The following SYN3 variants were observed in gnomAD, a reference collection of about 807,000 sequenced individuals.
The protein encoded by SYN3 is synapsin III, also known as synapsin-3.
A neutral mutation model predicts 65.8 loss-of-function variants in SYN3; 35 were observed. That is an observed-to-expected ratio of 0.53 (90% CI 0.41 to 0.70). SYN3 has a LOEUF of 0.70. SYN3 is among the 30% of genes least tolerant of loss of function. The pLI is 0.00. For missense variants in SYN3, 680 were observed against 749.0 expected (o/e 0.91, Z 1.08); for synonymous variants, 270 against 292.9 (o/e 0.92, Z 0.80).
intron 6 of SYN3, among the ~76,000 whole-genome samples, chr22:32,792,081 T>C (rs2046335230): frequency 6.6e-6 from 1 of 152,218 alleles, no homozygotes; most frequent in Non-Finnish European, 1.5e-5. Context: ...GAATTTACTA[T>C]GTGCCAGGCA....
At chr22:32,872,760 G>A (rs951843979) in intron 4 of SYN3, among the ~76,000 whole-genome samples, 1 of 152,012 alleles carries the variant, frequency 6.6e-6, no homozygotes, top group Non-Finnish European at 1.5e-5. Context: ...TGGCCAGGGG[G>A]TGGCCAAGTC....
rs1013922361 is a variant in SYN3, at chr22:33,025,106, G to A, written c.-162-18282C>T. ...TGTAATCCCAACACTTTGGGAGGCT[G>A]AGGTGGGTGGATCACTAGGTCAGGA... On this transcript the variant is annotated intron_variant, in intron 1 of 13. Coordinates refer to ENST00000358763, the MANE Select transcript of SYN3 (RefSeq NM_003490.4). Among the ~76,000 whole-genome samples, 4 of 152,270 alleles carry A rather than the reference G, an allele frequency of 2.6e-5. No individual in the cohort carries two copies. The South Asian group carries it at 6.2e-4, about 24-fold the overall frequency.
rs1050824959 is a variant in SYN3, at chr22:32,668,866, C to T, written c.712-72130G>A. Among the ~76,000 whole-genome samples, 22 of 152,278 alleles carry T rather than the reference C, an allele frequency of 1.4e-4. No individual in the cohort carries two copies. In the South Asian group the frequency reaches 4.6e-3, roughly 32 times the overall value. ...TGCTGCTGAAACTCCCCTTAGGATC[C>T]AGAGTGGGCCCAGGCTCATGGTGCC... is the stretch of plus-strand genomic sequence containing the variant. On this transcript the variant is annotated intron_variant, in intron 6 of 13. Transcript: ENST00000358763.
intron 3 of SYN3, among the ~76,000 whole-genome samples, chr22:32,938,157 TAAG>T (rs1569340752): frequency 1.3e-5 from 2 of 152,114 alleles, no homozygotes; most frequent in Non-Finnish European, 2.9e-5. Flanking sequence ...GAAACAAAGA[TAAG>T]AATGATAAAC....
In SYN3 at chr22:32,678,171, G is replaced by A. The variant is rs111822629; in HGVS notation, c.712-81435C>T. On this transcript the variant is annotated intron_variant, in intron 6 of 13. Coordinates refer to ENST00000358763, the MANE Select transcript of SYN3 (RefSeq NM_003490.4). ...GTGGCTGAATTCAGGCTGGGATTGG[G>A]TGTTGTAATGGTCACAGCCTTACAG... is the stretch of plus-strand genomic sequence containing the variant. 6.2e-3 allele frequency among the ~76,000 whole-genome samples: 943 copies of A among 152,268 alleles called. 5 individuals are homozygous for A. Among genetic ancestry groups the A allele is most frequent in the Non-Finnish European group, 0.01 (683 of 68,026 alleles).
At chr22:33,040,415 A>G (rs2053942697) in intron 1 of SYN3, among the ~76,000 whole-genome samples, 3 of 152,196 alleles carry the variant, frequency 2.0e-5, no homozygotes, top group Admixed American at 2.0e-4. Context: ...CATGCCTTTC[A>G]TGGACCACAG....
intron 10 of SYN3, among the ~76,000 whole-genome samples, chr22:32,531,683 CT>C (rs130460): frequency 0.82 from 121,428 of 148,186 alleles, 49,713 homozygotes; most frequent in East Asian, 0.92. Context: ...TCTCTTCTGC[CT>C]TTTTTTTTTT....
chr22:32,527,643 G>C, intron 12 of SYN3: 1 of 364,414 alleles, frequency 2.7e-6, no homozygotes, highest in Non-Finnish European at 4.9e-6. Context: ...TTCACTGCAG[G>C]ACGGCTGGGA....
chr22:32,599,482 C>CG (rs2059250748), intron 6 of SYN3, among the ~76,000 whole-genome samples: 1 of 151,892 alleles, frequency 6.6e-6, no homozygotes, highest in Non-Finnish European at 1.5e-5. Flanking sequence ...CCACCATGCC[C>CG]GGCTAATTTT....
intron 2 of SYN3, among the ~76,000 whole-genome samples, chr22:32,988,074 C>CT (rs111708001): frequency 0.058 from 8,751 of 151,620 alleles, 806 homozygotes; most frequent in African/African-American, 0.2. Context: ...TTTGGGAGGC[C>CT]GAGGTGGGCG....
chr22:32,893,245 C>G (rs1411300989), intron 4 of SYN3, among the ~76,000 whole-genome samples: 1 of 152,228 alleles, frequency 6.6e-6, no homozygotes, highest in African/African-American at 2.4e-5. Context: ...TCCATTCACT[C>G]CATTCCTCAA....
intron 13 of SYN3, among the ~76,000 whole-genome samples, chr22:32,515,595 T>C (rs1380591224): frequency 6.6e-6 from 1 of 152,230 alleles, no homozygotes; most frequent in African/African-American, 2.4e-5. Flanking sequence ...TCCTTTGATC[T>C]AACAATATCA....
At chr22:32,794,537 C>A (rs948569628) in intron 6 of SYN3, among the ~76,000 whole-genome samples, 11 of 152,174 alleles carry the variant, frequency 7.2e-5, no homozygotes, top group Middle Eastern at 3.2e-3. Context: ...CCACTCCATT[C>A]ATTGGTTAGT....
intron 6 of SYN3, chr22:32,860,514 A>G (rs1362705615): frequency 6.6e-6 from 1 of 152,652 alleles, no homozygotes; most frequent in Non-Finnish European, 1.5e-5. Context: ...GAAGAAAATC[A>G]TGACATTCCA....
intron 6 of SYN3, among the ~76,000 whole-genome samples, chr22:32,765,655 G>A (rs2045603909): frequency 6.6e-6 from 1 of 152,172 alleles, no homozygotes; most frequent in Non-Finnish European, 1.5e-5. Context: ...AGCGTTAAGA[G>A]TTTGGGCATG....
At chr22:32,782,412 G>C (rs895720253) in intron 6 of SYN3, among the ~76,000 whole-genome samples, 5 of 152,124 alleles carry the variant, frequency 3.3e-5, no homozygotes, top group African/African-American at 9.6e-5. Context: ...ATGATGACCA[G>C]GCTGGTCTCA....
intron 6 of SYN3, among the ~76,000 whole-genome samples, chr22:32,740,421 G>A (rs1279705786): frequency 1.3e-5 from 2 of 152,164 alleles, no homozygotes; most frequent in African/African-American, 2.4e-5. Flanking sequence ...AACTGGTCAC[G>A]CTCTTGGAGA....
At chr22:32,884,933 T>C (rs1010710950) in intron 4 of SYN3, among the ~76,000 whole-genome samples, 2 of 152,182 alleles carry the variant, frequency 1.3e-5, no homozygotes, top group Admixed American at 1.3e-4. Context: ...TGCTTCTTTA[T>C]TTATAATTGT....
chr22:32,960,467 C>G (rs1330803678), intron 3 of SYN3, among the ~76,000 whole-genome samples: 1 of 152,232 alleles, frequency 6.6e-6, no homozygotes, highest in Non-Finnish European at 1.5e-5. Context: ...TTCCCTCTGT[C>G]TACGAACAAT....
Sources: allele counts gnomAD v4.1 joint callset (sites outside exome capture counted in the v4.1 genomes callset), GRCh38; gene constraint gnomAD v4.1.1; transcripts MANE v1.5; gene names NCBI Gene and HGNC (gene_info 2026-07-23, HGNC 2026-07-21).